The following MKX variants were observed in gnomAD, a reference collection of about 807,000 sequenced individuals.
MKX encodes mohawk homeobox.
Under a neutral mutation model 36.0 loss-of-function variants are expected in MKX, and 13 were observed. The ratio of observed to expected loss-of-function variants is 0.36; its 90% CI spans 0.24 to 0.57. The LOEUF is 0.57. MKX is among the 20% of genes least tolerant of loss of function. The pLI, the probability that MKX is intolerant of heterozygous loss-of-function variation, is 0.79. For synonymous variants in MKX, 176 were observed against 178.3 expected (o/e 0.99, Z 0.10); for missense variants, 458 against 456.4 (o/e 1.00, Z -0.03).
chr10:27,717,526 C>T (rs1250119431), intron 5 of MKX, among the ~76,000 whole-genome samples: 3 of 152,180 alleles, frequency 2.0e-5, no homozygotes, highest in Non-Finnish European at 4.4e-5. Flanking sequence ...ATTTCTCTTG[C>T]CCTTCTTAGC....
chr10:27,706,331 T>C (rs185394573), intron 5 of MKX, among the ~76,000 whole-genome samples: 68 of 152,316 alleles, frequency 4.5e-4, no homozygotes, highest in African/African-American at 1.4e-3. Flanking sequence ...TAAATAATGC[T>C]GCTACAAACA....
chr10:27,707,773 T>G (rs982591695), intron 5 of MKX, among the ~76,000 whole-genome samples: 19 of 152,222 alleles, frequency 1.2e-4, no homozygotes, highest in Admixed American at 1.2e-3. Flanking sequence ...GAACTTTCCT[T>G]CCACCCAAAC....
Position 27,744,080 on chromosome 10 carries a change from A to G in MKX, c.-82-583T>C, listed in dbSNP as rs2132662227. Among the ~76,000 whole-genome samples, 1 of 152,224 alleles carries G rather than the reference A, an allele frequency of 6.6e-6. No individual in the cohort carries two copies. The highest frequency in any genetic ancestry group is 1.9e-4 in the East Asian group (1 of 5,146). ...TGGATGGTTTGGTTGAAACCCCCGC[A>G]TCTTCTGTCCGCCAAGGTCCCCCGG... On this transcript the variant is annotated intron_variant, in intron 1 of 6. Coordinates refer to ENST00000419761, the MANE Select transcript of MKX (RefSeq NM_173576.3). The surrounding 1 kb of genome is among the most constrained non-coding windows in gnomAD (Gnocchi z 5.6).
chr10:27,689,420 C>G (rs147927334), intron 5 of MKX, among the ~76,000 whole-genome samples: 1 of 152,140 alleles, frequency 6.6e-6, no homozygotes, highest in Non-Finnish European at 1.5e-5. Flanking sequence ...CTTGGCATGT[C>G]GGTGTTCTGG....
Position 27,743,431 on chromosome 10 carries a change from G to A in MKX, c.-16C>T, listed in dbSNP as rs1055192. 50,045 of 1,526,518 alleles carry A rather than the reference G, an allele frequency of 0.033. 5,471 individuals are homozygous for A. Among genetic ancestry groups the A allele is most frequent in the African/African-American group, 0.31 (21,870 of 70,554 alleles). 94.6% of individuals were successfully genotyped at this position (1,526,518 alleles called of 1,614,324 possible). ...TGGTGTTCATGGTGTCGGTTGGTAG[G>A]GACGCGCGGCGCGGCCGCAGAGCCT... On this transcript the variant is annotated 5_prime_UTR_variant, in exon 2 of 7. Transcript: ENST00000419761.
intron 5 of MKX, among the ~76,000 whole-genome samples, chr10:27,697,234 G>A (rs559718944): frequency 6.6e-6 from 1 of 152,246 alleles, no homozygotes; most frequent in East Asian, 1.9e-4. Flanking sequence ...CACTTAGATA[G>A]GGAATGTGTA....
At chr10:27,724,791 A>ACACCCACC (rs775804611) in intron 5 of MKX, among the ~76,000 whole-genome samples, 1 of 147,774 alleles carries the variant, frequency 6.8e-6, no homozygotes, top group African/African-American at 2.5e-5. Flanking sequence ...ACACACACAC[A>ACACCCACC]CCCCGCAGAA....
intron 5 of MKX, among the ~76,000 whole-genome samples, chr10:27,678,969 A>T (rs189686096): frequency 1.3e-5 from 2 of 152,156 alleles, no homozygotes; most frequent in Admixed American, 1.3e-4. Flanking sequence ...GGGTTTTACA[A>T]ATCTCAGCAA....
chr10:27,700,788 GT>G (rs1173782658), intron 5 of MKX, among the ~76,000 whole-genome samples: 1 of 152,088 alleles, frequency 6.6e-6, no homozygotes, highest in Non-Finnish European at 1.5e-5. Flanking sequence ...GTCCTCTGAA[GT>G]TTACTTAGCG....
intron 5 of MKX, among the ~76,000 whole-genome samples, chr10:27,722,656 G>A (rs1057452008): frequency 5.3e-5 from 8 of 152,166 alleles, no homozygotes; most frequent in African/African-American, 1.9e-4. Context: ...GGATAATTTC[G>A]TGTAGGTAAG....
intron 5 of MKX, among the ~76,000 whole-genome samples, chr10:27,733,348 C>T (rs1416927821): frequency 6.6e-6 from 1 of 152,142 alleles, no homozygotes; most frequent in Non-Finnish European, 1.5e-5. Flanking sequence ...TAAAGCCCTA[C>T]TGTTCATGGA....
chr10:27,724,791 A>C (rs191159348), intron 5 of MKX, among the ~76,000 whole-genome samples: 16 of 147,880 alleles, frequency 1.1e-4, no homozygotes, highest in Non-Finnish European at 1.9e-4. Context: ...ACACACACAC[A>C]CCCCGCAGAA....
intron 5 of MKX, among the ~76,000 whole-genome samples, chr10:27,711,481 T>TTCTTTCTCTCTCTCTCTC (rs1554772187): frequency 1.7e-4 from 3 of 17,708 alleles, no homozygotes; most frequent in African/African-American, 4.8e-4. Flanking sequence ...CTTTCTTTCT[T>TTCTTTCTCTCTCTCTCTC]TCTCTCTCTC....
chr10:27,735,213 T>C lies in MKX; in HGVS notation c.502+8A>G, dbSNP rs761988512. On this transcript the variant is annotated splice_region_variant and intron_variant, in intron 4 of 6. Transcript: ENST00000419761. ...AACAAAGAAAGCAAAATAAAAATAT[T>C]AACAAACCTTCAGAACATGAGTCAT... 1.3e-6 allele frequency: 2 copies of C among 1,533,702 alleles called. No homozygotes were observed. Among genetic ancestry groups the C allele is most frequent in the East Asian group, 4.8e-5 (2 of 41,728 alleles).
intron 5 of MKX, among the ~76,000 whole-genome samples, chr10:27,733,522 A>T (rs1209832232): frequency 6.6e-6 from 1 of 152,210 alleles, no homozygotes; most frequent in Non-Finnish European, 1.5e-5. Flanking sequence ...AGATTCAGAG[A>T]TCTGGAGGAG....
intron 5 of MKX, among the ~76,000 whole-genome samples, chr10:27,701,517 A>G (rs1271953973): frequency 6.9e-6 from 1 of 145,816 alleles, no homozygotes; most frequent in Non-Finnish European, 1.5e-5. Flanking sequence ...GATATATTAT[A>G]TTTAATATCT....
intron 5 of MKX, among the ~76,000 whole-genome samples, chr10:27,688,515 G>T (rs2132505665): frequency 6.6e-6 from 1 of 152,290 alleles, no homozygotes; most frequent in East Asian, 1.9e-4. Context: ...AATGGATTTT[G>T]TTACTTCATT....
At chr10:27,679,133 C>T (rs2220611) in intron 5 of MKX, among the ~76,000 whole-genome samples, 102,901 of 151,524 alleles carry the variant, frequency 0.68, 39,434 homozygotes, top group Non-Finnish European at 0.89. Context: ...AGGTGGGGGG[C>T]TGGGGGAGGG....
At chr10:27,678,141 A>G (rs1441202107) in intron 5 of MKX, among the ~76,000 whole-genome samples, 1 of 152,220 alleles carries the variant, frequency 6.6e-6, no homozygotes, top group Non-Finnish European at 1.5e-5. Context: ...ATGTCTCCAT[A>G]GTATCTGCGA....
Sources: gnomAD v4.1 joint callset for allele counts (sites outside exome capture counted in the v4.1 genomes callset) on GRCh38, gnomAD v4.1.1 for gene constraint, Gnocchi (gnomAD v3.1) non-coding constraint, MANE v1.5 for transcripts, NCBI Gene and HGNC (gene_info 2026-07-23, HGNC 2026-07-21) for gene names.